TRPV5: variants seen among roughly 807,000 people sequenced by gnomAD.
The protein encoded by TRPV5 is transient receptor potential cation channel subfamily V member 5.
In TRPV5, 66 loss-of-function variants were observed where a neutral mutation model predicts 74.1. The ratio of observed to expected loss-of-function variants is 0.89; its 90% CI spans 0.73 to 1.09. The LOEUF (loss-of-function observed/expected upper bound fraction) is 1.09, where lower values mean the gene tolerates loss of function less well. TRPV5 is among the 50% of genes least tolerant of loss of function. The probability of loss-of-function intolerance (pLI) is 0.00; values close to 1 mark genes in which losing one functional copy is unlikely to be tolerated. For missense variants in TRPV5, 936 were observed against 930.4 expected, an observed-to-expected ratio of 1.01 and a Z score of -0.08; for synonymous variants, 399 against 360.7, an observed-to-expected ratio of 1.11 and a Z score of -1.20.
At position 142,908,522 on chromosome 7, in the gene TRPV5, G is replaced by C. The variant is rs1228571741; in HGVS notation, c.2182C>G (p.His728Asp). ...AGTGATAGCGATGTTAATCAAAAAT[G>C]GTAGACCTCCTCTCCATCCCCCTCA... ...LSEGDGEEVY[H>D]F Residue 728 changes from histidine (H) to aspartate (D), a missense_variant, in exon 15 of 15, where the codon CAT becomes GAT. His to Asp is a moderately conservative substitution (Grantham distance 81). Coordinates refer to ENST00000265310, the MANE Select transcript of TRPV5 (RefSeq NM_019841.7). 1.2e-6 allele frequency: 2 copies of C among 1,614,052 alleles called. No individual in the cohort carries two copies. The highest frequency in any genetic ancestry group is 2.2e-5 in the South Asian group (2 of 91,078).
rs1452114713 is a variant in TRPV5 at position 142,913,351 on chromosome 7, C to T, written c.1520-601G>A. ...AGGACAGCGCTGGACTGCTTGAAAGCCTCCTCACTGCATAGGGAGCTGAAG... is the reference window on the plus strand; with the variant it reads ...AGGACAGCGCTGGACTGCTTGAAAGTCTCCTCACTGCATAGGGAGCTGAAG... On this transcript the variant is annotated intron_variant, in intron 12 of 14. Transcript: ENST00000265310. 7.9e-5 allele frequency among the ~76,000 whole-genome samples: 12 copies of T among 152,288 alleles called. No homozygotes were observed. The East Asian group carries it at 1.9e-3, about 24-fold the overall frequency.
At chr7:142,927,877 G>C (rs1796013045) in intron 7 of TRPV5, among the ~76,000 whole-genome samples, 1 of 152,220 alleles carries the variant, frequency 6.6e-6, no homozygotes, top group Non-Finnish European at 1.5e-5. Context: ...GCGAAAGGTA[G>C]GCAGAAGGGA....
At chr7:142,924,779 A>G (rs1169935436) in intron 8 of TRPV5, 1 of 152,162 alleles carries the variant, frequency 6.6e-6, no homozygotes, top group Non-Finnish European at 1.5e-5. Flanking sequence ...CAAAGAGTCA[A>G]CCCCTCAAAT....
chr7:142,928,150 T>A lies in TRPV5; in HGVS notation c.847A>T (p.Ile283Phe). The stretch of plus-strand genomic sequence containing the variant: ...GACAGCTCCTCTCCCCAGGAGTCGA[T>A]CTCCGTGAGGTCGTAGAGAATGGAG... ...LTSILYDLTEIDSWGEELSFL... is the reference protein window; with the variant it reads ...LTSILYDLTEFDSWGEELSFL... The change falls in exon 7 of 15, where the codon ATC (isoleucine) becomes TTC (phenylalanine). Residue 283 changes from isoleucine to phenylalanine, a missense_variant. Physicochemically the swap from Ile to Phe is conservative, Grantham distance 21 (BLOSUM62 0). Transcript: ENST00000265310. The A allele has an allele frequency of 6.2e-7, 1 of 1,614,136 alleles. No individual in the cohort carries two copies. The highest frequency in any genetic ancestry group is 8.5e-7 in the Non-Finnish European group (1 of 1,180,012).
intron 6 of TRPV5, 97 bp downstream of exon 6, chr7:142,928,594 G>A (rs1232784195): frequency 6.9e-6 from 10 of 1,456,226 alleles, no homozygotes; most frequent in Non-Finnish European, 9.1e-6. Context: ...AGGGATTTTA[G>A]AGAAAGGTGG....
At position 142,908,409 on chromosome 7, in the gene TRPV5, G is replaced by T; in HGVS notation, c.*105C>A. On this transcript the variant is annotated 3_prime_UTR_variant, in exon 15 of 15. Coordinates refer to ENST00000265310, the MANE Select transcript of TRPV5 (RefSeq NM_019841.7). ...GGATTGTTCTGTCTCACCCTCCCAT[G>T]ATTAACAGGCACAGAAGTTAGACAC... The T allele has an allele frequency of 1.5e-6, 2 of 1,305,496 alleles. No individual in the cohort carries two copies. Among genetic ancestry groups the T allele is most frequent in the South Asian group, 1.4e-5 (1 of 72,398 alleles). 80.9% of individuals were successfully genotyped at this position (1,305,496 alleles called of 1,614,324 possible).
Position 142,912,681 on chromosome 7 carries a change from A to C in TRPV5, c.1589T>G (p.Leu530Arg), listed in dbSNP as rs757494578. 6.2e-7 allele frequency: 1 copy of C among 1,614,252 alleles called. No homozygotes were observed. The highest frequency in any genetic ancestry group is 8.5e-7 in the Non-Finnish European group (1 of 1,180,038). The change falls in exon 13 of 15, where the codon CTG (leucine) becomes CGG (arginine). Residue 530 changes from leucine (L) to arginine (R), a missense_variant. Transcript: ENST00000265310. ...GAGAAAAAGCTCAAAGGTGGTGAAC[A>C]GTGCCATGGGGTAGTCATAGAATTG... The part of the protein sequence containing the change: ...LGQFYDYPMA[L>R]FTTFELFLTV...
rs576062144 is a variant in TRPV5 at position 142,908,823 on chromosome 7, G to A, written c.1896-15C>T. On this transcript the variant is annotated splice_polypyrimidine_tract_variant and intron_variant, in intron 14 of 14. Coordinates refer to ENST00000265310, the MANE Select transcript of TRPV5 (RefSeq NM_019841.7). ...GGTTCTCAACCCTGATAAGGGGAAAGGGGAAAGGACTCAATCCAGGTGGGG... is the reference window on the plus strand; with the variant it reads ...GGTTCTCAACCCTGATAAGGGGAAAAGGGAAAGGACTCAATCCAGGTGGGG... The A allele has an allele frequency of 3.1e-6, 5 of 1,603,358 alleles. No individual in the cohort carries two copies. The East Asian group carries it at 1.1e-4, about 36-fold the overall frequency.
chr7:142,924,254 GTATATATATACATATA>G lies in TRPV5; in HGVS notation c.1122+1259_1122+1274del, dbSNP rs1347621919. Among the ~76,000 whole-genome samples the G allele has an allele frequency of 4.6e-3, 549 of 118,876 alleles. 11 individuals carry two copies. The highest frequency in any genetic ancestry group is 0.019 in the African/African-American group (514 of 27,336). The allele number at this position is 118,876 out of a possible 152,430, so 78.0% of individuals were successfully genotyped here. A position where few individuals can be genotyped will look rare whatever the true frequency, so the allele number is the denominator to read the frequency against. On this transcript the variant is annotated intron_variant, in intron 8 of 14. Transcript: ENST00000265310. ...CATATATATATATATACATATACAT[GTATATATATACATATA>G]TATATATATACATATACATGTATAT...
chr7:142,910,630 A>G (rs761260667), intron 13 of TRPV5, among the ~76,000 whole-genome samples: 1 of 152,160 alleles, frequency 6.6e-6, no homozygotes, highest in South Asian at 2.1e-4. Flanking sequence ...TCTACTCCCT[A>G]TCTTCCTCAT....
intron 4 of TRPV5, 104 bp downstream of exon 4, chr7:142,929,324 C>T (rs1796044275): frequency 6.4e-7 from 1 of 1,551,622 alleles, no homozygotes; most frequent in South Asian, 1.2e-5. Context: ...CCCCTCTCAA[C>T]TGCCCAACAG....
chr7:142,921,123 A>ATGATGTG lies in TRPV5; in HGVS notation c.1122+4399_1122+4405dup, dbSNP rs370470942. ...GATTGTTCAGAACTTACGAGGGATG[A>ATGATGTG]TGATGTGTGGACAAATAGATCCCAC... is the stretch of plus-strand genomic sequence containing the variant. On this transcript the variant is annotated intron_variant, in intron 8 of 14. Transcript: ENST00000265310. 5.0e-3 allele frequency among the ~76,000 whole-genome samples: 756 copies of ATGATGTG among 152,330 alleles called. 5 individuals are homozygous for ATGATGTG. Among genetic ancestry groups the ATGATGTG allele is most frequent in the African/African-American group, 0.017 (708 of 41,558 alleles).
intron 4 of TRPV5, 105 bp downstream of exon 4, chr7:142,929,323 A>G: frequency 6.5e-7 from 1 of 1,549,050 alleles, no homozygotes; most frequent in Non-Finnish European, 8.7e-7. Flanking sequence ...GCCCCTCTCA[A>G]CTGCCCAACA....
chr7:142,924,024 A>G (rs1795926178), intron 8 of TRPV5, among the ~76,000 whole-genome samples: 1 of 150,084 alleles, frequency 6.7e-6, no homozygotes, highest in Non-Finnish European at 1.5e-5. Context: ...ATTTCTAATC[A>G]CTCCTCCCTC....
At position 142,923,290 on chromosome 7, in the gene TRPV5, CT is replaced by C. The variant is rs1795913815; in HGVS notation, c.1122+2238del. Reference sequence around the variant, plus strand: ...TTGTGCGTTTTCATTTTTTCTAAGACTTTCAAGTAAGAAAACAGTAGGAAAA... The same window carrying C: ...TTGTGCGTTTTCATTTTTTCTAAGACTTCAAGTAAGAAAACAGTAGGAAAA... On this transcript the variant is annotated intron_variant, in intron 8 of 14. Coordinates refer to ENST00000265310, the MANE Select transcript of TRPV5 (RefSeq NM_019841.7). 2.6e-5 allele frequency among the ~76,000 whole-genome samples: 4 copies of C among 152,188 alleles called. No homozygotes were observed. In the South Asian group the frequency reaches 8.3e-4, roughly 32 times the overall value.
chr7:142,922,350 G>A (rs959232077), intron 8 of TRPV5, among the ~76,000 whole-genome samples: 2 of 152,180 alleles, frequency 1.3e-5, no homozygotes, highest in Non-Finnish European at 2.9e-5. Context: ...GAGATGTGAC[G>A]AGAAATTTGA....
chr7:142,931,900 G>A (rs1310910715), intron 1 of TRPV5, among the ~76,000 whole-genome samples: 2 of 151,822 alleles, frequency 1.3e-5, no homozygotes, highest in Non-Finnish European at 2.9e-5. Context: ...CGGGGTTTCA[G>A]CATGTTGGCC....
intron 1 of TRPV5, among the ~76,000 whole-genome samples, chr7:142,931,186 C>G (rs35995715): frequency 6.6e-6 from 1 of 151,950 alleles, no homozygotes; most frequent in Non-Finnish European, 1.5e-5. Flanking sequence ...CCACGCCCAG[C>G]TAATTTTTTG....
At chr7:142,913,201 T>A (rs150017544) in intron 12 of TRPV5, among the ~76,000 whole-genome samples, 1 of 152,194 alleles carries the variant, frequency 6.6e-6, no homozygotes, top group African/African-American at 2.4e-5. Context: ...CCTTTTTTAA[T>A]CTTGATGGCC....
Sources: gnomAD v4.1 joint callset for allele counts (sites outside exome capture counted in the v4.1 genomes callset) on GRCh38, gnomAD v4.1.1 for gene constraint, MANE v1.5 for transcripts, NCBI Gene and HGNC (gene_info 2026-07-23, HGNC 2026-07-21) for gene names.